Variants in EXOC6B observed in about 807,000 individuals in gnomAD.
The protein encoded by EXOC6B is exocyst complex component 6B.
In EXOC6B, 54 loss-of-function variants were observed where a neutral mutation model predicts 113.5. The observed-to-expected ratio is 0.48, with a 90% CI of 0.38 to 0.60. EXOC6B has a LOEUF of 0.60. Ranked by LOEUF, EXOC6B falls within the 20% of genes least tolerant of loss-of-function variation. The pLI is 0.00. For missense variants in EXOC6B, 797 were observed against 977.5 expected (o/e 0.82, Z 2.46); for synonymous variants, 357 against 339.0 (o/e 1.05, Z -0.58).
chr2:72,707,316 T>A (rs932720400), intron 6 of EXOC6B, among the ~76,000 whole-genome samples: 8 of 152,174 alleles, frequency 5.3e-5, no homozygotes, highest in African/African-American at 1.9e-4. Flanking sequence ...AGATTTCTCA[T>A]CCTTCTAAAT....
At chr2:72,824,379 C>G (rs1204338967) in intron 1 of EXOC6B, among the ~76,000 whole-genome samples, 1 of 152,136 alleles carries the variant, frequency 6.6e-6, no homozygotes, top group Non-Finnish European at 1.5e-5. Context: ...AAAGGGGACC[C>G]TCTCTCAATA....
chr2:72,479,312 C>G (rs1302267472), intron 17 of EXOC6B, among the ~76,000 whole-genome samples: 1 of 151,728 alleles, frequency 6.6e-6, no homozygotes, highest in East Asian at 1.9e-4. Context: ...TTTTTTCAAA[C>G]AATAGAAAAA....
At chr2:72,695,404 T>C (rs1043307597) in intron 6 of EXOC6B, among the ~76,000 whole-genome samples, 4 of 152,098 alleles carry the variant, frequency 2.6e-5, no homozygotes, top group Non-Finnish European at 5.9e-5. Context: ...AAAACAAACC[T>C]CATATGTTAG....
At chr2:72,706,741 A>G (rs1278874340) in intron 6 of EXOC6B, among the ~76,000 whole-genome samples, 3 of 152,110 alleles carry the variant, frequency 2.0e-5, no homozygotes, top group Non-Finnish European at 2.9e-5. Context: ...ATGGATTTTT[A>G]AAAACAGCCA....
intron 20 of EXOC6B, among the ~76,000 whole-genome samples, chr2:72,307,546 C>G (rs900123326): frequency 6.6e-6 from 1 of 152,166 alleles, no homozygotes; most frequent in Non-Finnish European, 1.5e-5. Context: ...TCCCCTCACT[C>G]CAGCTGCATT....
chr2:72,441,069 G>C (rs1023167116), intron 18 of EXOC6B, among the ~76,000 whole-genome samples: 1 of 152,026 alleles, frequency 6.6e-6, no homozygotes, highest in African/African-American at 2.4e-5. Flanking sequence ...GGCTGGTAAC[G>C]GTCTTTCCAT....
intron 8 of EXOC6B, among the ~76,000 whole-genome samples, chr2:72,557,289 C>CG (rs1703604129): frequency 5.1e-4 from 4 of 7,792 alleles, no homozygotes; most frequent in Admixed American, 3.2e-3. Flanking sequence ...AAAATAAAAT[C>CG]CGGGGGGGGG....
At chr2:72,799,052 A>G (rs1257047193) in intron 1 of EXOC6B, among the ~76,000 whole-genome samples, 1 of 151,818 alleles carries the variant, frequency 6.6e-6, no homozygotes, top group Non-Finnish European at 1.5e-5. Flanking sequence ...CAGCCTGGGC[A>G]CACATGGGAA....
Position 72,397,782 on chromosome 2 carries a change from G to T in EXOC6B, c.1981-17912C>A, listed in dbSNP as rs546322081. On this transcript the variant is annotated intron_variant, in intron 18 of 21. Coordinates refer to ENST00000272427, the MANE Select transcript of EXOC6B (RefSeq NM_015189.3). The stretch of plus-strand genomic sequence containing the variant: ...CATATGAGAGATGTGCACATCATTA[G>T]CATATAAATGATGTGAATATAAAGG... Among the ~76,000 whole-genome samples the T allele has an allele frequency of 2.4e-3, 358 of 152,030 alleles. 1 individual carries two copies. Among genetic ancestry groups the T allele is most frequent in the African/African-American group, 8.1e-3 (335 of 41,442 alleles).
chr2:72,539,724 T>C (rs1702483442), intron 8 of EXOC6B, among the ~76,000 whole-genome samples: 1 of 127,976 alleles, frequency 7.8e-6, no homozygotes. Context: ...TCCTTTCCTG[T>C]GGGCTATGCG....
At chr2:72,664,774 G>C (rs1216249609) in intron 6 of EXOC6B, among the ~76,000 whole-genome samples, 1 of 152,216 alleles carries the variant, frequency 6.6e-6, no homozygotes, top group African/African-American at 2.4e-5. Context: ...TCTCCCATAG[G>C]AGTGTGTGCA....
chr2:72,212,568 C>T (rs1680261204), intron 20 of EXOC6B, among the ~76,000 whole-genome samples: 2 of 152,124 alleles, frequency 1.3e-5, no homozygotes, highest in African/African-American at 4.8e-5. Flanking sequence ...AATAAAAATG[C>T]ATTTGACTTA....
intron 1 of EXOC6B, among the ~76,000 whole-genome samples, chr2:72,801,288 T>C (rs900173281): frequency 2.6e-5 from 4 of 151,494 alleles, no homozygotes; most frequent in African/African-American, 9.7e-5. Flanking sequence ...ATAACATACA[T>C]AAATATTTTA....
intron 8 of EXOC6B, among the ~76,000 whole-genome samples, chr2:72,544,037 TAA>T (rs1702765173): frequency 6.6e-6 from 1 of 152,210 alleles, no homozygotes. Flanking sequence ...TCCAATAGTA[TAA>T]ATTGGGTCCT....
chr2:72,601,110 ATATGTGTGTGTGTATGTG>A (rs1228380012), intron 6 of EXOC6B, among the ~76,000 whole-genome samples: 1 of 145,732 alleles, frequency 6.9e-6, no homozygotes, highest in Admixed American at 7.0e-5. Context: ...ACATATATAT[ATATGTGTGTGTGTATGTG>A]TGTGTGTGTG....
intron 1 of EXOC6B, among the ~76,000 whole-genome samples, chr2:72,809,305 A>T (rs1685749399): frequency 6.6e-6 from 1 of 152,226 alleles, no homozygotes; most frequent in African/African-American, 2.4e-5. Flanking sequence ...ATTTTATAAA[A>T]CAATACAAGT....
intron 20 of EXOC6B, among the ~76,000 whole-genome samples, chr2:72,326,814 C>T (rs1029191680): frequency 1.3e-5 from 2 of 151,836 alleles, no homozygotes; most frequent in Non-Finnish European, 2.9e-5. Flanking sequence ...TTTGCACCAA[C>T]ATAATATACT....
intron 18 of EXOC6B, chr2:72,464,322 T>C (rs1014259929): frequency 5.9e-5 from 9 of 152,212 alleles, no homozygotes; most frequent in Non-Finnish European, 1.2e-4. Flanking sequence ...AGCAGGAATT[T>C]CTATAGTCCT....
rs1679749924 is a variant in EXOC6B, at chr2:72,718,130, G to T, written c.642C>A (p.Asp214Glu). 1 of 1,612,602 alleles carries T rather than the reference G, an allele frequency of 6.2e-7. No homozygotes were observed. The highest frequency in any genetic ancestry group is 1.7e-5 in the Admixed American group (1 of 59,900). ...GCTTCATGGCAGTCTCTCCAATTTTGTCTGAATGTTTGCGGATGCTCTCCA... is the reference window on the plus strand; with the variant it reads ...GCTTCATGGCAGTCTCTCCAATTTTTTCTGAATGTTTGCGGATGCTCTCCA... The part of the protein sequence containing the change: ...DFLESIRKHS[D>E]KIGETAMKQA... Residue 214 changes from aspartate to glutamate, a missense_variant, in exon 6 of 22, where the codon GAC (aspartate) becomes GAA (glutamate). Asp to Glu is a conservative substitution (Grantham distance 45). Transcript: ENST00000272427.
Sources: gnomAD v4.1 joint callset for allele counts (sites outside exome capture counted in the v4.1 genomes callset) on GRCh38, gnomAD v4.1.1 for gene constraint, MANE v1.5 for transcripts, NCBI Gene and HGNC (gene_info 2026-07-23, HGNC 2026-07-21) for gene names.